Variants in DAB1 observed in about 807,000 individuals in gnomAD.
DAB1 encodes disabled homolog 1.
A neutral mutation model predicts 64.6 loss-of-function variants in DAB1; 15 were observed. The ratio of observed to expected loss-of-function variants is 0.23; its 90% CI spans 0.16 to 0.36. DAB1 has a LOEUF of 0.36. Ranked by LOEUF, DAB1 falls within the 10% of genes least tolerant of loss-of-function variation. The pLI is 1.00. For synonymous variants in DAB1, 235 were observed against 251.9 expected (o/e 0.93, Z 0.64); for missense variants, 596 against 706.7 (o/e 0.84, Z 1.78).
intron 7 of DAB1, among the ~76,000 whole-genome samples, chr1:57,584,864 T>G (rs976210204): frequency 6.6e-6 from 1 of 151,980 alleles, no homozygotes; most frequent in African/African-American, 2.4e-5. Context: ...GGAGGTAGAA[T>G]GAGAGATTAG....
chr1:57,534,013 T>G (rs538165449), intron 7 of DAB1, among the ~76,000 whole-genome samples: 2 of 152,144 alleles, frequency 1.3e-5, no homozygotes, highest in Non-Finnish European at 1.5e-5. Flanking sequence ...TGAATACCTC[T>G]ACATTGTTAC....
intron 7 of DAB1, among the ~76,000 whole-genome samples, chr1:57,507,438 A>T (rs1187533934): frequency 6.6e-6 from 1 of 152,162 alleles, no homozygotes; most frequent in Admixed American, 6.5e-5. Flanking sequence ...TCACCATTTC[A>T]GTGCACGTTC....
intron 1 of DAB1, among the ~76,000 whole-genome samples, chr1:57,310,924 A>G (rs1305179656): frequency 1.3e-5 from 2 of 151,864 alleles, no homozygotes; most frequent in Non-Finnish European, 2.9e-5. Flanking sequence ...TGAGCCTAGG[A>G]ATTTGAGGCT....
intron 7 of DAB1, among the ~76,000 whole-genome samples, chr1:57,544,236 C>T (rs186975381): frequency 5.9e-5 from 9 of 152,240 alleles, no homozygotes; most frequent in Admixed American, 2.6e-4. Flanking sequence ...AGTCACTGGC[C>T]GTAAGAATCA....
intron 5 of DAB1, among the ~76,000 whole-genome samples, chr1:57,953,802 G>A (rs552861396): frequency 6.6e-6 from 1 of 152,226 alleles, no homozygotes; most frequent in East Asian, 1.9e-4. Context: ...GGCAGTGGCT[G>A]GGTTCCTGTA....
intron 1 of DAB1, among the ~76,000 whole-genome samples, chr1:57,364,933 G>A (rs956525033): frequency 1.3e-5 from 2 of 149,180 alleles, no homozygotes; most frequent in Non-Finnish European, 3.0e-5. Context: ...TGGGGAAGGG[G>A]TATCAGGATG....
intron 4 of DAB1, among the ~76,000 whole-genome samples, chr1:57,125,485 CAT>C (rs1281683482): frequency 1.3e-5 from 2 of 151,784 alleles, no homozygotes; most frequent in African/African-American, 2.4e-5. Flanking sequence ...TAGTAGGTAT[CAT>C]ATAATCTCTC....
At chr1:57,409,867 C>T (rs548041409) in intron 1 of DAB1, among the ~76,000 whole-genome samples, 1 of 152,234 alleles carries the variant, frequency 6.6e-6, no homozygotes. Flanking sequence ...CAAACAATCA[C>T]ACATGTCAAA....
chr1:57,446,503 C>A (rs1167338826), intron 7 of DAB1, among the ~76,000 whole-genome samples: 2 of 148,954 alleles, frequency 1.3e-5, no homozygotes, highest in African/African-American at 4.9e-5. Flanking sequence ...AAGGCTGAGG[C>A]GGGAGAATCG....
At chr1:57,634,013 C>T (rs745876167) in intron 7 of DAB1, among the ~76,000 whole-genome samples, 8 of 152,224 alleles carry the variant, frequency 5.3e-5, no homozygotes, top group Non-Finnish European at 7.3e-5. Context: ...TACAGTGTGC[C>T]ATGGCTGGCG....
At chr1:58,026,951 T>C (rs1646903898) in intron 5 of DAB1, among the ~76,000 whole-genome samples, 1 of 152,204 alleles carries the variant, frequency 6.6e-6, no homozygotes, top group Non-Finnish European at 1.5e-5. Flanking sequence ...TAATCTTCTC[T>C]TTGACTCTGT....
chr1:57,695,362 AAGAAAGAAAGAAAG>A (rs1646821122), intron 6 of DAB1, among the ~76,000 whole-genome samples: 1 of 35,922 alleles, frequency 2.8e-5, no homozygotes, highest in Admixed American at 3.3e-4. Flanking sequence ...GAAAAGAAAG[AAGAAAGAAAGAAAG>A]AAAGAAAGAA....
At chr1:58,047,096 C>A (rs925531857) in intron 5 of DAB1, among the ~76,000 whole-genome samples, 16 of 152,154 alleles carry the variant, frequency 1.1e-4, no homozygotes, top group African/African-American at 3.1e-4. Flanking sequence ...AAATGAGATT[C>A]AAACTTTAGT....
chr1:58,014,988 C>T (rs1646718471), intron 5 of DAB1, among the ~76,000 whole-genome samples: 1 of 152,172 alleles, frequency 6.6e-6, no homozygotes, highest in Admixed American at 6.5e-5. Flanking sequence ...CCTCCCAAAC[C>T]TATGGTGAAT....
At chr1:57,647,022 T>C (rs1342249575) in intron 7 of DAB1, among the ~76,000 whole-genome samples, 2 of 152,150 alleles carry the variant, frequency 1.3e-5, no homozygotes, top group Non-Finnish European at 2.9e-5. Context: ...GAGCTCCTTG[T>C]GGGGAGGGAT....
intron 6 of DAB1, among the ~76,000 whole-genome samples, chr1:57,766,853 G>A (rs575321097): frequency 8.7e-5 from 11 of 126,316 alleles, no homozygotes; most frequent in Non-Finnish European, 1.6e-4. Flanking sequence ...GAGTTCCCAC[G>A]ACCCCCTTTT....
intron 14 of DAB1, among the ~76,000 whole-genome samples, chr1:57,010,385 C>T (rs899671826): frequency 6.6e-6 from 1 of 152,112 alleles, no homozygotes; most frequent in Non-Finnish European, 1.5e-5. Flanking sequence ...CACCCCTACC[C>T]CTACCTCCCA....
intron 3 of DAB1, among the ~76,000 whole-genome samples, chr1:58,386,985 G>A (rs1302901522): frequency 3.3e-5 from 5 of 152,146 alleles, no homozygotes; most frequent in Non-Finnish European, 5.9e-5. Context: ...GCTTGAATCC[G>A]GGAGGCAGAA....
chr1:57,775,879 G>T (rs1263269142), intron 6 of DAB1, among the ~76,000 whole-genome samples: 1 of 151,466 alleles, frequency 6.6e-6, no homozygotes, highest in East Asian at 1.9e-4. Flanking sequence ...GTATTTTGAA[G>T]CTTCAAAATT....
Sources: allele counts gnomAD v4.1 joint callset (sites outside exome capture counted in the v4.1 genomes callset), GRCh38; gene constraint gnomAD v4.1.1; transcripts MANE v1.5; gene names NCBI Gene and HGNC (gene_info 2026-07-23, HGNC 2026-07-21).